Variants in FAM135B observed in about 807,000 individuals in gnomAD.
FAM135B encodes the protein protein FAM135B.
FAM135B carries 43 observed loss-of-function variants against 127.7 expected under a neutral mutation model. That is an observed-to-expected ratio of 0.34 (90% CI 0.26 to 0.43). FAM135B has a LOEUF of 0.43. FAM135B is among the 20% of genes least tolerant of loss of function. FAM135B has a pLI of 1.00. For synonymous variants in FAM135B, 670 were observed against 665.1 expected (o/e 1.01, Z -0.11); for missense variants, 1,558 against 1,725.6 (o/e 0.90, Z 1.72).
intron 3 of FAM135B, among the ~76,000 whole-genome samples, chr8:138,272,238 G>A (rs1394023577): frequency 6.6e-6 from 1 of 152,004 alleles, no homozygotes; most frequent in Non-Finnish European, 1.5e-5. Context: ...AGAACAAAAG[G>A]CTTTGCATAT....
intron 7 of FAM135B, among the ~76,000 whole-genome samples, chr8:138,203,689 A>G (rs1817333326): frequency 6.6e-6 from 1 of 152,132 alleles, no homozygotes; most frequent in Non-Finnish European, 1.5e-5. Flanking sequence ...TTCATGGAAG[A>G]CAATTTTTCC....
At chr8:138,205,450 G>A (rs6577886) in intron 7 of FAM135B, among the ~76,000 whole-genome samples, 109,319 of 152,030 alleles carry the variant, frequency 0.72, 39,513 homozygotes, top group East Asian at 0.82. Flanking sequence ...TTCTAACTCA[G>A]GCCAGGGTCC....
chr8:138,176,113 G>C (rs1264866968), intron 11 of FAM135B, among the ~76,000 whole-genome samples: 2 of 152,224 alleles, frequency 1.3e-5, no homozygotes, highest in Non-Finnish European at 2.9e-5. Context: ...TGCAGGAACA[G>C]GGTCTTGAAC....
intron 1 of FAM135B, among the ~76,000 whole-genome samples, chr8:138,399,722 T>C (rs1012040838): frequency 6.6e-6 from 1 of 152,314 alleles, no homozygotes; most frequent in East Asian, 1.9e-4. Flanking sequence ...AATAATAGAA[T>C]GAACAATAGC....
chr8:138,184,924 G>A (rs1815413343), intron 9 of FAM135B, among the ~76,000 whole-genome samples: 1 of 152,214 alleles, frequency 6.6e-6, no homozygotes, highest in Non-Finnish European at 1.5e-5. Context: ...TAATTCATGT[G>A]CACATTAAAG....
intron 1 of FAM135B, among the ~76,000 whole-genome samples, chr8:138,447,279 A>G (rs947441106): frequency 1.3e-5 from 2 of 152,152 alleles, no homozygotes; most frequent in African/African-American, 4.8e-5. Context: ...TAGAAATACC[A>G]TTTGACCCAG....
intron 5 of FAM135B, 111 bp downstream of exon 5, chr8:138,256,578 G>A: frequency 3.5e-6 from 3 of 857,788 alleles, no homozygotes; most frequent in Non-Finnish European, 5.7e-6. Flanking sequence ...ATCAGGAGAT[G>A]CTGATCTGAG....
rs1193059053 is a variant in FAM135B at position 138,308,991 on chromosome 8, C to G, written c.157+1850G>C. On this transcript the variant is annotated intron_variant, in intron 3 of 19. Transcript: ENST00000395297. ...CAGGTAGGACTAACTGGCTACTTAC[C>G]TTGTGCTGGTTCTTGTTCTGACATA... 4 of 454,738 alleles carry G rather than the reference C, an allele frequency of 8.8e-6. 1 individual carries two copies. The highest frequency in any genetic ancestry group is 6.2e-5 in the South Asian group (4 of 64,236). 28.2% of individuals were successfully genotyped at this position (454,738 alleles called of 1,614,324 possible).
At chr8:138,335,505 A>G (rs1231243923) in intron 2 of FAM135B, among the ~76,000 whole-genome samples, 4 of 152,214 alleles carry the variant, frequency 2.6e-5, no homozygotes, top group Non-Finnish European at 4.4e-5. Context: ...CAAAAGAGAC[A>G]AAGAAGTCCA....
chr8:138,374,199 C>G (rs1282206327), intron 1 of FAM135B, among the ~76,000 whole-genome samples: 1 of 152,210 alleles, frequency 6.6e-6, no homozygotes, highest in South Asian at 2.1e-4. Context: ...CTTTATTTCT[C>G]AACCCAGCTG....
At chr8:138,197,751 G>C (rs893594109) in intron 7 of FAM135B, 82 bp from the exon 8 acceptor site, 1 of 1,443,204 alleles carries the variant, frequency 6.9e-7, no homozygotes. Flanking sequence ...CCATCCACCC[G>C]CACCAACATT....
intron 7 of FAM135B, among the ~76,000 whole-genome samples, chr8:138,216,975 G>C (rs903328828): frequency 1.3e-5 from 2 of 152,160 alleles, no homozygotes; most frequent in African/African-American, 4.8e-5. Context: ...TGCGACTTTG[G>C]TCAAATAGAA....
chr8:138,139,193 T>G (rs1226810854), intron 17 of FAM135B, 97 bp from the exon 18 acceptor site: 2 of 703,304 alleles, frequency 2.8e-6, no homozygotes, highest in East Asian at 5.3e-5. Context: ...AACTGAATTT[T>G]AGTTAACTTG....
At chr8:138,314,954 G>A (rs1826971440) in intron 2 of FAM135B, among the ~76,000 whole-genome samples, 1 of 149,136 alleles carries the variant, frequency 6.7e-6, no homozygotes, top group Admixed American at 6.7e-5. Context: ...AAATATGTAT[G>A]GAACCACAAA....
chr8:138,308,918 T>C (rs1826459720), intron 3 of FAM135B: 4 of 406,242 alleles, frequency 9.8e-6, no homozygotes, highest in Non-Finnish European at 1.4e-5. Flanking sequence ...CCGAGGCTTT[T>C]ACCTTGACCC....
intron 1 of FAM135B, among the ~76,000 whole-genome samples, chr8:138,459,766 T>C (rs1262542033): frequency 6.6e-6 from 1 of 152,152 alleles, no homozygotes; most frequent in Non-Finnish European, 1.5e-5. Context: ...GTTTTCCTGT[T>C]TCCTCTTCCA....
intron 2 of FAM135B, among the ~76,000 whole-genome samples, chr8:138,324,835 G>C (rs1322853566): frequency 6.6e-6 from 1 of 152,118 alleles, no homozygotes; most frequent in Non-Finnish European, 1.5e-5. Flanking sequence ...ATCCTGACCG[G>C]GGGAAGAATT....
intron 1 of FAM135B, among the ~76,000 whole-genome samples, chr8:138,429,144 A>G (rs897734908): frequency 6.6e-6 from 1 of 152,190 alleles, no homozygotes; most frequent in Non-Finnish European, 1.5e-5. Flanking sequence ...GATCTAGTTG[A>G]TGAGGTCTGG....
At position 138,281,601 on chromosome 8, in the gene FAM135B, C is replaced by T. The variant is rs1301348550; in HGVS notation, c.158-15759G>A. ...GTTCCACTCCTCCCCCTTGAAATAC[C>T]CTCCCTTGGCCGCCGTGAAATGAAG... On this transcript the variant is annotated intron_variant, in intron 3 of 19. Transcript: ENST00000395297. Among the ~76,000 whole-genome samples, 6 of 152,002 alleles carry T rather than the reference C, an allele frequency of 3.9e-5. No individual in the cohort carries two copies. The East Asian group carries it at 1.2e-3, about 29-fold the overall frequency.
Sources: gnomAD v4.1 joint callset for allele counts (sites outside exome capture counted in the v4.1 genomes callset) on GRCh38, gnomAD v4.1.1 for gene constraint, MANE v1.5 for transcripts, NCBI Gene and HGNC (gene_info 2026-07-23, HGNC 2026-07-21) for gene names.